MALRD1: variants seen among roughly 807,000 people sequenced by gnomAD.
The protein encoded by MALRD1 is MAM and LDL receptor class A domain containing 1.
Under a neutral mutation model 242.1 loss-of-function variants are expected in MALRD1, and 247 were observed. The ratio of observed to expected loss-of-function variants is 1.02; its 90% CI spans 0.92 to 1.13. The LOEUF is 1.13. Ranked by LOEUF, MALRD1 falls within the 50% of genes most tolerant of loss-of-function variation. The pLI, the probability that MALRD1 is intolerant of heterozygous loss-of-function variation, is 0.00. For synonymous variants in MALRD1, 995 were observed against 866.6 expected, an observed-to-expected ratio of 1.15 and a Z score of -2.60; for missense variants, 2,989 against 2,533.1, an observed-to-expected ratio of 1.18 and a Z score of -3.86.
At chr10:19,612,361 ATTAG>A (rs1417566246) in intron 35 of MALRD1, among the ~76,000 whole-genome samples, 10 of 152,038 alleles carry the variant, frequency 6.6e-5, no homozygotes, top group Admixed American at 6.6e-4. Context: ...GTTTTATGTA[ATTAG>A]TTAAATAAGG....
At chr10:19,710,936 G>A (rs1420031131) in intron 38 of MALRD1, 4 of 152,186 alleles carry the variant, frequency 2.6e-5, no homozygotes, top group Non-Finnish European at 5.9e-5. Context: ...TAAAAGAGGT[G>A]ACTTGGGTAA....
chr10:19,632,914 GT>G lies in MALRD1; in HGVS notation c.6137+16992del, dbSNP rs571610954. ...TTGTGCTCCATTGAGGCTATGAAAA[GT>G]GTTGAGAGAGAAATGTGAAGAGAGT... On this transcript the variant is annotated intron_variant, in intron 36 of 39. Coordinates refer to ENST00000454679, the MANE Select transcript of MALRD1 (RefSeq NM_001142308.3). Among the ~76,000 whole-genome samples, 11 of 152,238 alleles carry G rather than the reference GT, an allele frequency of 7.2e-5. 1 individual carries two copies. In the East Asian group the frequency reaches 1.9e-3, roughly 27 times the overall value.
intron 26 of MALRD1, among the ~76,000 whole-genome samples, chr10:19,384,125 G>A (rs1845953805): frequency 6.6e-6 from 1 of 151,014 alleles, no homozygotes; most frequent in African/African-American, 2.4e-5. Flanking sequence ...GATTCGTGAT[G>A]TTGAGCATCC....
At chr10:19,215,691 A>C (rs1837279194) in intron 18 of MALRD1, among the ~76,000 whole-genome samples, 1 of 151,946 alleles carries the variant, frequency 6.6e-6, no homozygotes, top group African/African-American at 2.4e-5. Flanking sequence ...ACTGTCTCAA[A>C]CTAGATCCTG....
intron 31 of MALRD1, among the ~76,000 whole-genome samples, chr10:19,503,413 G>A (rs1251965163): frequency 6.6e-6 from 1 of 152,120 alleles, no homozygotes; most frequent in Non-Finnish European, 1.5e-5. Context: ...TACATAAGAG[G>A]GCCATTTTCA....
At chr10:19,514,833 C>G (rs1043222841) in intron 31 of MALRD1, among the ~76,000 whole-genome samples, 2 of 151,962 alleles carry the variant, frequency 1.3e-5, no homozygotes, top group Non-Finnish European at 2.9e-5. Context: ...AAAGGCAGAC[C>G]AATACTCCAA....
chr10:19,423,086 C>G (rs1833774322), intron 28 of MALRD1, among the ~76,000 whole-genome samples: 1 of 152,100 alleles, frequency 6.6e-6, no homozygotes, highest in South Asian at 2.1e-4. Flanking sequence ...CTGATATTAA[C>G]CAAAAAATGT....
intron 12 of MALRD1, among the ~76,000 whole-genome samples, chr10:19,158,857 A>C (rs1834276858): frequency 6.6e-6 from 1 of 152,228 alleles, no homozygotes; most frequent in Admixed American, 6.5e-5. Context: ...CATGTCTTAC[A>C]ATGTCCCCAA....
chr10:19,396,612 T>C (rs1846591439), intron 28 of MALRD1, among the ~76,000 whole-genome samples: 1 of 152,228 alleles, frequency 6.6e-6, no homozygotes, highest in Non-Finnish European at 1.5e-5. Flanking sequence ...AGCTTCTATA[T>C]TCATACTCTT....
intron 36 of MALRD1, among the ~76,000 whole-genome samples, chr10:19,645,603 T>C (rs1840618842): frequency 6.6e-6 from 1 of 152,036 alleles, no homozygotes; most frequent in East Asian, 1.9e-4. Context: ...CTGGAAACCA[T>C]CATTCTCAGC....
At chr10:19,149,574 G>GT (rs1833864553) in intron 11 of MALRD1, among the ~76,000 whole-genome samples, 1 of 151,984 alleles carries the variant, frequency 6.6e-6, no homozygotes, top group Admixed American at 6.6e-5. Context: ...GTGGTTGTTT[G>GT]TTTTTTAAGA....
chr10:19,672,068 C>A (rs1329059242), intron 36 of MALRD1, among the ~76,000 whole-genome samples: 1 of 152,074 alleles, frequency 6.6e-6, no homozygotes, highest in East Asian at 1.9e-4. Context: ...CTAGGAGACT[C>A]ATTTTTCTTC....
At chr10:19,088,618 G>T (rs1835773842) in intron 4 of MALRD1, among the ~76,000 whole-genome samples, 1 of 103,934 alleles carries the variant, frequency 9.6e-6, no homozygotes, top group Admixed American at 1.2e-4. Context: ...TAAGTTTTAG[G>T]GTACATGTGC....
At chr10:19,586,159 C>A (rs1837390122) in intron 33 of MALRD1, among the ~76,000 whole-genome samples, 1 of 152,046 alleles carries the variant, frequency 6.6e-6, no homozygotes, top group South Asian at 2.1e-4. Context: ...AACTTCTTTG[C>A]CTTTGGTGTG....
At chr10:19,494,655 A>G (rs1026358625) in intron 30 of MALRD1, among the ~76,000 whole-genome samples, 6 of 152,228 alleles carry the variant, frequency 3.9e-5, no homozygotes, top group Non-Finnish European at 2.9e-5. Flanking sequence ...TAGCACCAGA[A>G]TAGAACAAAT....
At chr10:19,210,376 C>A (rs1836998439) in intron 18 of MALRD1, among the ~76,000 whole-genome samples, 1 of 152,164 alleles carries the variant, frequency 6.6e-6, no homozygotes, top group African/African-American at 2.4e-5. Context: ...GACTGTTTAT[C>A]CCTGGCCAAA....
chr10:19,342,712 C>G (rs1215480883), intron 24 of MALRD1, among the ~76,000 whole-genome samples: 2 of 152,132 alleles, frequency 1.3e-5, no homozygotes, highest in East Asian at 3.9e-4. Context: ...GAAAGTAGGT[C>G]AGGTATCATG....
chr10:19,062,573 A>G (rs1423116056), intron 1 of MALRD1, among the ~76,000 whole-genome samples: 2 of 152,348 alleles, frequency 1.3e-5, no homozygotes, highest in Admixed American at 1.3e-4. Flanking sequence ...TTTATATGAT[A>G]TGACATAGAT....
intron 22 of MALRD1, 69 bp from the exon 23 acceptor site, chr10:19,327,494 G>A: frequency 8.3e-7 from 1 of 1,209,716 alleles, no homozygotes; most frequent in Admixed American, 2.5e-5. Context: ...ATCACTGGAA[G>A]AATTCTACAT....
Sources: gnomAD v4.1 joint callset for allele counts (sites outside exome capture counted in the v4.1 genomes callset) on GRCh38, gnomAD v4.1.1 for gene constraint, MANE v1.5 for transcripts, NCBI Gene and HGNC (gene_info 2026-07-23, HGNC 2026-07-21) for gene names.